PLCG2: variants seen among roughly 807,000 people sequenced by gnomAD.
PLCG2 encodes the protein 1-phosphatidylinositol 4,5-bisphosphate phosphodiesterase gamma-2.
PLCG2 carries 69 observed loss-of-function variants against 175.6 expected under a neutral mutation model. The observed-to-expected ratio is 0.39, with a 90% CI of 0.32 to 0.48. PLCG2 has a LOEUF of 0.48. Among genes scored for constraint, PLCG2 ranks in the 20% least tolerant of loss-of-function variants. The pLI is 0.91. For missense variants in PLCG2, 1,798 were observed against 1,650.9 expected, an observed-to-expected ratio of 1.09 and a Z score of -1.54; for synonymous variants, 827 against 624.0, an observed-to-expected ratio of 1.33 and a Z score of -4.85.
At chr16:81,902,193 GC>G (rs1909180370) in intron 14 of PLCG2, among the ~76,000 whole-genome samples, 1 of 152,254 alleles carries the variant, frequency 6.6e-6, no homozygotes, top group Non-Finnish European at 1.5e-5. Flanking sequence ...TAGCGGGGCA[GC>G]CTTTCATGGA....
At chr16:81,865,877 A>G (rs1426408124) in intron 5 of PLCG2, among the ~76,000 whole-genome samples, 1 of 116,252 alleles carries the variant, frequency 8.6e-6, no homozygotes, top group Non-Finnish European at 1.8e-5. Context: ...CCAGCATGAG[A>G]GGACGCTGGC....
intron 2 of PLCG2, among the ~76,000 whole-genome samples, chr16:81,757,550 T>C (rs1380747555): frequency 6.6e-6 from 1 of 151,674 alleles, no homozygotes; most frequent in East Asian, 1.9e-4. Flanking sequence ...GGTGACAGAG[T>C]GAGACTCTGT....
intron 11 of PLCG2, among the ~76,000 whole-genome samples, chr16:81,893,447 C>T (rs931645924): frequency 3.9e-5 from 6 of 152,334 alleles, no homozygotes; most frequent in African/African-American, 1.2e-4. Context: ...CAAAAGAACA[C>T]GTCCTCTCCA....
chr16:81,854,196 G>C (rs1906565521), intron 2 of PLCG2, among the ~76,000 whole-genome samples: 1 of 152,176 alleles, frequency 6.6e-6, no homozygotes, highest in Admixed American at 6.5e-5. Context: ...TGAGAAACAG[G>C]GTGAGCGGAA....
chr16:81,869,357 A>C (rs530733095), intron 6 of PLCG2, 59 bp downstream of exon 6: 23 of 1,243,552 alleles, frequency 1.8e-5, no homozygotes, highest in African/African-American at 2.9e-5. Flanking sequence ...AGCCTCTCTC[A>C]TGAAGCCGTG....
rs753305879 is a variant in PLCG2 at position 81,936,215 on chromosome 16, T to G, written c.2889T>G (p.Ala963=). 6.2e-7 allele frequency: 1 copy of G among 1,614,178 alleles called. No homozygotes were observed. The highest frequency in any genetic ancestry group is 1.1e-5 in the South Asian group (1 of 91,066). ...TCCGCTCCTTTGTGGAGACGAAGGCTGACAGCATCATCAGACAGAAGCCCG... is the reference window on the plus strand; with the variant it reads ...TCCGCTCCTTTGTGGAGACGAAGGCGGACAGCATCATCAGACAGAAGCCCG... ...REIRSFVETK[A]DSIIRQKPVD... is the part of the protein sequence containing the mutation. Residue 963 remains alanine, a synonymous_variant, in exon 27 of 33, where the codon GCT becomes GCG. Coordinates refer to ENST00000564138, the MANE Select transcript of PLCG2 (RefSeq NM_002661.5).
At chr16:81,781,763 T>C (rs1436980584) in intron 1 of PLCG2, among the ~76,000 whole-genome samples, 1 of 152,234 alleles carries the variant, frequency 6.6e-6, no homozygotes, top group Non-Finnish European at 1.5e-5. Context: ...TGTGGGATTT[T>C]TGGATGAAAT....
chr16:81,778,039 A>ACAAACAAAC (rs777309038), upstream of PLCG2, among the ~76,000 whole-genome samples: 72 of 80,424 alleles, frequency 9.0e-4, 1 homozygote, highest in Middle Eastern at 0.011. Context: ...AAACAAAAAA[A>ACAAACAAAC]AAACAAAAAA....
chr16:81,907,575 G>A lies in PLCG2; in HGVS notation c.1468-110G>A, dbSNP rs571302669. Reference sequence around the variant, plus strand: ...TCGCCATAAATGTCTATGAAACTGGGAAAAGCACATCCATAGTAGATGCTG... The same window carrying A: ...TCGCCATAAATGTCTATGAAACTGGAAAAAGCACATCCATAGTAGATGCTG... On this transcript the variant is annotated intron_variant, in intron 15 of 32. Coordinates refer to ENST00000564138, the MANE Select transcript of PLCG2 (RefSeq NM_002661.5). The A allele has an allele frequency of 1.5e-3, 895 of 611,926 alleles. 2 individuals are homozygous for A. Among genetic ancestry groups the A allele is most frequent in the Non-Finnish European group, 2.3e-3 (776 of 342,456 alleles). The allele number at this position is 611,926 out of a possible 1,614,324, so 37.9% of individuals were successfully genotyped here. A position where few individuals can be genotyped will look rare whatever the true frequency, so the allele number is the denominator to read the frequency against.
chr16:81,843,925 TTC>T (rs1905968438), intron 2 of PLCG2, among the ~76,000 whole-genome samples: 1 of 152,234 alleles, frequency 6.6e-6, no homozygotes, highest in Admixed American at 6.5e-5. Context: ...CCTTTTCTGT[TTC>T]TGTTTCCTTT....
Position 81,869,485 on chromosome 16 carries a change from G to A in PLCG2, c.564+187G>A, listed in dbSNP as rs146317930. 8.5e-3 allele frequency among the ~76,000 whole-genome samples: 1,301 copies of A among 152,326 alleles called. 10 individuals carry two copies. The highest frequency in any genetic ancestry group is 0.041 in the Middle Eastern group (12 of 294). On this transcript the variant is annotated intron_variant, in intron 6 of 32. Transcript: ENST00000564138. Reference sequence around the variant, plus strand: ...GAGGACCATCGTCTCAATCCTAGCAGAGAATGTAATCAATAAAGACCATGT... The same window carrying A: ...GAGGACCATCGTCTCAATCCTAGCAAAGAATGTAATCAATAAAGACCATGT...
chr16:81,819,179 A>G (rs2143328405), intron 2 of PLCG2, among the ~76,000 whole-genome samples: 1 of 152,140 alleles, frequency 6.6e-6, no homozygotes, highest in South Asian at 2.1e-4. Flanking sequence ...TGGAAGACAA[A>G]GACCTTGTTG....
At chr16:81,894,868 G>A (rs1394935461) in intron 12 of PLCG2, among the ~76,000 whole-genome samples, 1 of 151,810 alleles carries the variant, frequency 6.6e-6, no homozygotes, top group East Asian at 1.9e-4. Flanking sequence ...GGGAGACTTT[G>A]TCTCAAAAAA....
intron 17 of PLCG2, among the ~76,000 whole-genome samples, chr16:81,909,804 T>G (rs752143999): frequency 1.3e-5 from 2 of 152,218 alleles, no homozygotes; most frequent in Non-Finnish European, 2.9e-5. Flanking sequence ...ACCTTGTGTG[T>G]GTGGTCTCGT....
chr16:81,864,971 A>G (rs1310663385), intron 5 of PLCG2, among the ~76,000 whole-genome samples: 1 of 151,938 alleles, frequency 6.6e-6, no homozygotes, highest in African/African-American at 2.4e-5. Flanking sequence ...CCCTAGGTTG[A>G]GCTCCCAGGA....
Position 81,961,739 on chromosome 16 carries a change from C to G in PLCG2, c.*3741C>G, listed in dbSNP as rs1451515834. ...CTATCAAATAACTTATATTAAGAAC[C>G]TCCTGGGCTAAATTTAAAAAGTAAT... On this transcript the variant is annotated 3_prime_UTR_variant, in exon 33 of 33. Coordinates refer to ENST00000564138, the MANE Select transcript of PLCG2 (RefSeq NM_002661.5). 4.9e-6 allele frequency: 1 copy of G among 205,682 alleles called. No homozygotes were observed. The allele number at this position is 205,682 out of a possible 1,614,324, so 12.7% of individuals were successfully genotyped here. A position where few individuals can be genotyped will look rare whatever the true frequency, so the allele number is the denominator to read the frequency against.
At chr16:81,748,202 C>T (rs1909741659) in intron 1 of PLCG2, among the ~76,000 whole-genome samples, 1 of 152,010 alleles carries the variant, frequency 6.6e-6, no homozygotes, top group South Asian at 2.1e-4. Context: ...ATAGCCTGGC[C>T]AACATGGTGA....
chr16:81,765,977 A>C (rs1217685653), intron 2 of PLCG2, among the ~76,000 whole-genome samples: 1 of 152,208 alleles, frequency 6.6e-6, no homozygotes, highest in Non-Finnish European at 1.5e-5. Flanking sequence ...TGTGAGTCAC[A>C]AGACACTGAT....
intron 2 of PLCG2, among the ~76,000 whole-genome samples, chr16:81,838,235 T>C (rs997003394): frequency 6.6e-6 from 1 of 152,100 alleles, no homozygotes; most frequent in African/African-American, 2.4e-5. Context: ...TGTAGGCACC[T>C]GCCACCATGC....
Sources: gnomAD v4.1 joint callset for allele counts (sites outside exome capture counted in the v4.1 genomes callset) on GRCh38, gnomAD v4.1.1 for gene constraint, MANE v1.5 for transcripts, NCBI Gene and HGNC (gene_info 2026-07-23, HGNC 2026-07-21) for gene names.